TSGA13: variants seen among roughly 807,000 people sequenced by gnomAD.
The protein encoded by TSGA13 is testis-specific gene 13 protein.
In TSGA13, 37 loss-of-function variants were observed where a neutral mutation model predicts 35.1. The ratio of observed to expected loss-of-function variants is 1.05; its 90% CI spans 0.81 to 1.39. TSGA13 has a LOEUF of 1.39. TSGA13 is among the 40% of genes most tolerant of loss of function. The pLI, the probability that TSGA13 is intolerant of heterozygous loss-of-function variation, is 0.00. For synonymous variants in TSGA13, 124 were observed against 121.2 expected (o/e 1.02, Z -0.15); for missense variants, 338 against 328.5 (o/e 1.03, Z -0.22).
chr7:130,680,338 C>G lies in TSGA13; in HGVS notation c.174+608G>C, dbSNP rs189361620. ...TGGCTAACACGGTGAAACCCCGTCT[C>G]TACTAAATATACAAAAAATTAGCCA... On this transcript the variant is annotated intron_variant, in intron 4 of 7. Transcript: ENST00000356588. Among the ~76,000 whole-genome samples the G allele has an allele frequency of 1.6e-4, 24 of 152,170 alleles. 2 individuals carry two copies. In the East Asian group the frequency reaches 4.7e-3, roughly 30 times the overall value.
chr7:130,678,190 A>T (rs1271874287), intron 5 of TSGA13, among the ~76,000 whole-genome samples: 2 of 152,100 alleles, frequency 1.3e-5, no homozygotes, highest in African/African-American at 4.8e-5. Context: ...CATCCTGGCT[A>T]ACACGGTGAA....
chr7:130,680,302 C>T (rs888500965), intron 4 of TSGA13, among the ~76,000 whole-genome samples: 14 of 152,010 alleles, frequency 9.2e-5, no homozygotes, highest in Middle Eastern at 3.2e-3. Context: ...GTCAGGAGAT[C>T]GAGACCATCC....
chr7:130,680,830 C>T (rs1310385708), intron 4 of TSGA13, 116 bp downstream of exon 4: 74 of 935,654 alleles, frequency 7.9e-5, no homozygotes, highest in Middle Eastern at 2.2e-4. Context: ...CCTAAGAGTA[C>T]GCACAGTCAC....
intron 4 of TSGA13, among the ~76,000 whole-genome samples, chr7:130,680,153 T>A (rs1243630165): frequency 6.6e-6 from 1 of 152,184 alleles, no homozygotes; most frequent in Admixed American, 6.5e-5. Flanking sequence ...TGTTCCATAT[T>A]TACGTCAACA....
At chr7:130,683,489 T>C in intron 3 of TSGA13, 105 bp downstream of exon 3, 1 of 961,686 alleles carries the variant, frequency 1.0e-6, no homozygotes, top group Non-Finnish European at 1.6e-6. Flanking sequence ...ACATTTTTAC[T>C]CCTTTTTGCT....
intron 7 of TSGA13, 26 bp from the exon 8 acceptor site, chr7:130,669,209 T>G (rs782763068): frequency 6.2e-7 from 1 of 1,613,872 alleles, no homozygotes; most frequent in African/African-American, 1.3e-5. Context: ...GGCACCCTGG[T>G]GAATGTGGCT....
rs77677084 is a variant in TSGA13, at chr7:130,670,936, C to G, written c.658+725G>C. Among the ~76,000 whole-genome samples, 232 of 152,080 alleles carry G rather than the reference C, an allele frequency of 1.5e-3. 2 individuals carry two copies. Among genetic ancestry groups the G allele is most frequent in the African/African-American group, 5.2e-3 (215 of 41,530 alleles). On this transcript the variant is annotated intron_variant, in intron 7 of 7. Transcript: ENST00000356588. ...CCAGCCTGTCAAGGCCTTTTATGAT[C>G]TGTTTCATCTCTTTCACATATTGAA...
chr7:130,677,143 T>G (rs1411295929), intron 5 of TSGA13, among the ~76,000 whole-genome samples: 1 of 152,124 alleles, frequency 6.6e-6, no homozygotes, highest in Non-Finnish European at 1.5e-5. Context: ...CCACCTGCCT[T>G]GGCCTCCCAA....
chr7:130,676,878 C>T (rs559644525), intron 5 of TSGA13, among the ~76,000 whole-genome samples: 9 of 151,626 alleles, frequency 5.9e-5, no homozygotes, highest in Admixed American at 2.0e-4. Context: ...CTATCATGAC[C>T]TTTTTTAGAT....
chr7:130,679,286 T>C lies in TSGA13; in HGVS notation c.256A>G (p.Lys86Glu), dbSNP rs782409530. The change falls in exon 5 of 8, where the codon AAA becomes GAA. Residue 86 changes from lysine to glutamate, a missense_variant. Coordinates refer to ENST00000356588, the MANE Select transcript of TSGA13 (RefSeq NM_052933.4). Reference sequence around the variant, plus strand: ...TTATCCTGGTCATACTGTGTTACTTTTAACATGAAGCTGGTGTTTTTCCTG... The same window carrying C: ...TTATCCTGGTCATACTGTGTTACTTCTAACATGAAGCTGGTGTTTTTCCTG... ...QNRKNTSFML[K>E]VTQYDQDKTL... is the part of the protein sequence containing the mutation. 6.2e-7 allele frequency: 1 copy of C among 1,614,238 alleles called. No homozygotes were observed.
chr7:130,675,267 C>G (rs1457518494), intron 5 of TSGA13, among the ~76,000 whole-genome samples: 1 of 149,614 alleles, frequency 6.7e-6, no homozygotes, highest in Non-Finnish European at 1.5e-5. Context: ...TTTTTTCTAC[C>G]TATAGCTTCT....
At chr7:130,678,449 C>G (rs1796463057) in intron 5 of TSGA13, among the ~76,000 whole-genome samples, 1 of 152,036 alleles carries the variant, frequency 6.6e-6, no homozygotes, top group Non-Finnish European at 1.5e-5. Context: ...GTAATGTGTA[C>G]TAAAGCATCA....
intron 6 of TSGA13, among the ~76,000 whole-genome samples, chr7:130,672,138 C>A (rs1331301603): frequency 6.6e-6 from 1 of 152,158 alleles, no homozygotes; most frequent in African/African-American, 2.4e-5. Context: ...GATCTGCCCA[C>A]CTTGGCCTCC....
At chr7:130,675,239 A>G (rs1554463981) in intron 5 of TSGA13, among the ~76,000 whole-genome samples, 2 of 151,446 alleles carry the variant, frequency 1.3e-5, no homozygotes. Context: ...ATATATATAT[A>G]TGTATATATA....
intron 2 of TSGA13, among the ~76,000 whole-genome samples, chr7:130,684,594 G>A (rs1371068674): frequency 6.6e-6 from 1 of 152,202 alleles, no homozygotes; most frequent in Non-Finnish European, 1.5e-5. Context: ...GCCACGCTAT[G>A]TCGTTTGTAG....
At position 130,679,135 on chromosome 7, in the gene TSGA13, G is replaced by T. The variant is rs1387670710; in HGVS notation, c.387+20C>A. The T allele has an allele frequency of 6.3e-7, 1 of 1,595,932 alleles. No individual in the cohort carries two copies. Among genetic ancestry groups the T allele is most frequent in the Admixed American group, 1.7e-5 (1 of 59,880 alleles). On this transcript the variant is annotated intron_variant, in intron 5 of 7. Transcript: ENST00000356588. ...ATTCGTCAGGGTTCACATTTTGGGT[G>T]CCAGGAGACTTCTGCTTACCATGAC... is the stretch of plus-strand genomic sequence containing the variant.
chr7:130,685,332 C>G lies in TSGA13; in HGVS notation c.-122G>C. 2 of 1,563,418 alleles carry G rather than the reference C, an allele frequency of 1.3e-6. No individual in the cohort carries two copies. Among genetic ancestry groups the G allele is most frequent in the Non-Finnish European group, 1.7e-6 (2 of 1,144,004 alleles). ...ATCCAAATATTCTTTCCTTAGCACA[C>G]AGTGTGTACTCATGCCCCATTCTTG... On this transcript the variant is annotated 5_prime_UTR_variant, in exon 2 of 8. Transcript: ENST00000356588.
chr7:130,678,847 C>T (rs946194213), intron 5 of TSGA13, among the ~76,000 whole-genome samples: 7 of 152,018 alleles, frequency 4.6e-5, no homozygotes, highest in Non-Finnish European at 7.4e-5. Context: ...CATAGTGAGA[C>T]CCCCGTCTCT....
intron 7 of TSGA13, 70 bp downstream of exon 7, chr7:130,671,591 T>C: frequency 1.4e-6 from 2 of 1,420,368 alleles, no homozygotes; most frequent in Non-Finnish European, 1.9e-6. Flanking sequence ...ACATCTATAA[T>C]CCTCATGGAT....
Sources: allele counts gnomAD v4.1 joint callset (sites outside exome capture counted in the v4.1 genomes callset), GRCh38; gene constraint gnomAD v4.1.1; transcripts MANE v1.5; gene names NCBI Gene and HGNC (gene_info 2026-07-23, HGNC 2026-07-21).